Variants in STPG1 observed in about 807,000 individuals in gnomAD.
STPG1 encodes the protein sperm tail PG-rich repeat containing 1, also known as O(6)-methylguanine-induced apoptosis 2.
A neutral mutation model predicts 40.1 loss-of-function variants in STPG1; 33 were observed. The observed-to-expected ratio is 0.82, with a 90% CI of 0.62 to 1.10. The LOEUF (loss-of-function observed/expected upper bound fraction) is 1.10. Ranked by LOEUF, STPG1 falls within the 50% of genes least tolerant of loss-of-function variation. The pLI is 0.00. For synonymous variants in STPG1, 150 were observed against 155.0 expected, an observed-to-expected ratio of 0.97 and a Z score of 0.24; for missense variants, 396 against 415.1, an observed-to-expected ratio of 0.95 and a Z score of 0.40.
intron 2 of STPG1, chr1:24,392,019 T>C (rs1189751758): frequency 9.5e-7 from 1 of 1,054,396 alleles, no homozygotes; most frequent in African/African-American, 1.7e-5. Flanking sequence ...GGGAGCAGCC[T>C]GGACGAGGCG....
intron 2 of STPG1, 125 bp from the exon 3 acceptor site, chr1:24,391,804 C>A: frequency 8.2e-7 from 1 of 1,225,508 alleles, no homozygotes; most frequent in South Asian, 2.0e-5. Context: ...TGCCTTTTGA[C>A]AGGAAACAGA....
At chr1:24,368,465 C>T (rs990779592) in intron 7 of STPG1, among the ~76,000 whole-genome samples, 6 of 152,166 alleles carry the variant, frequency 3.9e-5, no homozygotes, top group South Asian at 2.1e-4. Context: ...GGAGGGGCTA[C>T]GCATGGGTGA....
At chr1:24,391,916 T>C in intron 2 of STPG1, 1 of 1,241,544 alleles carries the variant, frequency 8.1e-7, no homozygotes, top group South Asian at 1.9e-5. Flanking sequence ...TGTGGTCACA[T>C]AAAGTACCTT....
chr1:24,386,021 G>T (rs1182892998), intron 3 of STPG1, among the ~76,000 whole-genome samples: 2 of 152,214 alleles, frequency 1.3e-5, no homozygotes, highest in African/African-American at 4.8e-5. Flanking sequence ...CAGTTTGCAA[G>T]AATTTTCTGA....
Position 24,391,629 on chromosome 1 carries a change from C to G in STPG1, c.121G>C (p.Ala41Pro). Reference sequence around the variant, plus strand: ...TTTTCTGATTCTGGGATTACTGAAGCTTGAGATTTAAAAGGAATGGAGGAT... The same window carrying G: ...TTTTCTGATTCTGGGATTACTGAAGGTTGAGATTTAAAAGGAATGGAGGAT... ...TQSSIPFKSQ[A>P]SVIPESEKKG... Residue 41 changes from alanine (A) to proline (P), a missense_variant, in exon 3 of 9, where the codon GCT becomes CCT. Physicochemically the swap from Ala to Pro is conservative, Grantham distance 27. Transcript: ENST00000337248. The G allele has an allele frequency of 2.6e-6, 4 of 1,549,876 alleles. No homozygotes were observed. The South Asian group carries it at 3.6e-5, about 14-fold the overall frequency.
intron 5 of STPG1, chr1:24,379,418 G>A (rs1448884616): frequency 1.9e-6 from 1 of 518,638 alleles, no homozygotes; most frequent in African/African-American, 1.9e-5. Context: ...GTTTCTCAGG[G>A]CAGTGGCCTC....
Position 24,357,146 on chromosome 1 carries a change from A to G in STPG1, c.*1397T>C, listed in dbSNP as rs1390754904. The G allele has an allele frequency of 2.7e-5, 4 of 147,248 alleles. No homozygotes were observed. The highest frequency in any genetic ancestry group is 1.0e-4 in the African/African-American group (4 of 40,070). The allele number at this position is 147,248 out of a possible 1,614,324, so 9.1% of individuals were successfully genotyped here. A position where few individuals can be genotyped will look rare whatever the true frequency, so the allele number is the denominator to read the frequency against. ...TTTCCTTTTGCCTCGGGTTCCCATTAGGCTTGCCTGCCCCTGTGGGAGGGA... is the reference window on the plus strand; with the variant it reads ...TTTCCTTTTGCCTCGGGTTCCCATTGGGCTTGCCTGCCCCTGTGGGAGGGA... On this transcript the variant is annotated 3_prime_UTR_variant, in exon 9 of 9. Coordinates refer to ENST00000337248, the MANE Select transcript of STPG1 (RefSeq NM_001199013.2).
chr1:24,395,678 C>T (rs1003600266), intron 2 of STPG1, among the ~76,000 whole-genome samples: 13 of 152,154 alleles, frequency 8.5e-5, no homozygotes, highest in Non-Finnish European at 1.9e-4. Flanking sequence ...ATGATCTGCC[C>T]GCCCCGGCTT....
intron 5 of STPG1, among the ~76,000 whole-genome samples, chr1:24,375,508 C>A (rs1436036097): frequency 6.6e-6 from 1 of 152,054 alleles, no homozygotes; most frequent in African/African-American, 2.4e-5. Flanking sequence ...AACAAAGAGA[C>A]CAGATGGGAC....
At chr1:24,410,087 A>G (rs994248401) in intron 1 of STPG1, among the ~76,000 whole-genome samples, 1 of 152,228 alleles carries the variant, frequency 6.6e-6, no homozygotes, top group East Asian at 1.9e-4. Flanking sequence ...ACAGAGCATG[A>G]TAAGTGCTTA....
At chr1:24,362,668 C>G (rs566811225) in intron 7 of STPG1, among the ~76,000 whole-genome samples, 2 of 152,324 alleles carry the variant, frequency 1.3e-5, no homozygotes, top group East Asian at 3.9e-4. Flanking sequence ...TGGTGACAGA[C>G]AGGCAACTGA....
chr1:24,365,285 G>A (rs1487893149), intron 7 of STPG1, among the ~76,000 whole-genome samples: 4 of 152,342 alleles, frequency 2.6e-5, no homozygotes, highest in African/African-American at 9.6e-5. Context: ...ACTCCAGGAA[G>A]CAGATCAAGG....
chr1:24,404,332 A>G (rs1643337163), intron 1 of STPG1, among the ~76,000 whole-genome samples: 1 of 152,152 alleles, frequency 6.6e-6, no homozygotes, highest in South Asian at 2.1e-4. Context: ...CAGTTTGCTA[A>G]AATTCTGTTA....
intron 1 of STPG1, among the ~76,000 whole-genome samples, chr1:24,403,806 T>C (rs1643316962): frequency 6.6e-6 from 1 of 151,946 alleles, no homozygotes; most frequent in South Asian, 2.1e-4. Context: ...TGCTGTATCC[T>C]GCAACTTTGC....
Position 24,369,745 on chromosome 1 carries a change from C to T in STPG1, c.666G>A (p.Thr222=), listed in dbSNP as rs368913233. ...AATAACCAGGTCCCGGGCCTGTTGACGTCAGTTTTAATCCACGGTTGGTTT... is the reference window on the plus strand; with the variant it reads ...AATAACCAGGTCCCGGGCCTGTTGATGTCAGTTTTAATCCACGGTTGGTTT... ...KSKTNRGLKL[T]STGPGPGYYN... Residue 222 remains threonine (T), a synonymous_variant, in exon 7 of 9, where the codon ACG becomes ACA. Coordinates refer to ENST00000337248, the MANE Select transcript of STPG1 (RefSeq NM_001199013.2). The T allele has an allele frequency of 2.3e-5, 37 of 1,613,302 alleles. 2 individuals are homozygous for T. Among genetic ancestry groups the T allele is most frequent in the East Asian group, 8.9e-5 (4 of 44,860 alleles).
intron 7 of STPG1, 37 bp downstream of exon 7, chr1:24,369,637 A>G (rs1279877813): frequency 1.3e-6 from 2 of 1,554,214 alleles, no homozygotes; most frequent in East Asian, 4.5e-5. Context: ...CCCCACAACC[A>G]CCTTTCAAAA....
intron 2 of STPG1, among the ~76,000 whole-genome samples, chr1:24,394,807 G>C (rs756797358): frequency 3.2e-4 from 49 of 152,016 alleles, no homozygotes; most frequent in Admixed American, 1.2e-3. Flanking sequence ...CAAGAAAAAG[G>C]ATTAGTGAGC....
intron 2 of STPG1, among the ~76,000 whole-genome samples, chr1:24,395,982 C>CAA (rs58022759): frequency 0.016 from 2,305 of 145,984 alleles, 62 homozygotes; most frequent in African/African-American, 0.052. Context: ...GGCTCCATCT[C>CAA]AAAAAAAAAA....
At chr1:24,414,531 C>CTTTTTTTT (rs57135976), upstream of STPG1, 7 of 83,164 alleles carry the variant, frequency 8.4e-5, no homozygotes, top group South Asian at 4.6e-4. Flanking sequence ...GAAATCCAAG[C>CTTTTTTTT]TTTTTTTTTT....
Sources: gnomAD v4.1 joint callset for allele counts (sites outside exome capture counted in the v4.1 genomes callset) on GRCh38, gnomAD v4.1.1 for gene constraint, MANE v1.5 for transcripts, NCBI Gene and HGNC (gene_info 2026-07-23, HGNC 2026-07-21) for gene names.